Variants in DOCK8 observed in about 807,000 individuals in gnomAD.
The protein encoded by DOCK8 is dedicator of cytokinesis protein 8.
A neutral mutation model predicts 245.6 loss-of-function variants in DOCK8; 141 were observed. The observed-to-expected ratio is 0.57, with a 90% CI of 0.50 to 0.66. DOCK8 has a LOEUF of 0.66. Among genes scored for constraint, DOCK8 ranks in the 30% least tolerant of loss-of-function variants. The pLI, the probability that DOCK8 is intolerant of heterozygous loss-of-function variation, is 0.00. For missense variants in DOCK8, 2,965 were observed against 2,603.4 expected, an observed-to-expected ratio of 1.14 and a Z score of -3.02; for synonymous variants, 1,168 against 970.2, an observed-to-expected ratio of 1.20 and a Z score of -3.79.
rs760845840 is a variant in DOCK8 at position 452,123 on chromosome 9, A to C, written c.6068+6A>C. 48 of 1,588,326 alleles carry C rather than the reference A, an allele frequency of 3.0e-5. No individual in the cohort carries two copies. Among genetic ancestry groups the C allele is most frequent in the Middle Eastern group, 1.7e-4 (1 of 6,024 alleles). ...TTTAAGGAATTCATCATGAGGTAAG[A>C]AGGAAAATGGCTGGGAATTTCAGTA... On this transcript the variant is annotated splice_donor_region_variant and intron_variant, in intron 46 of 47. Coordinates refer to ENST00000432829, the MANE Select transcript of DOCK8 (RefSeq NM_203447.4).
chr9:352,762 T>C (rs376219121), intron 14 of DOCK8, among the ~76,000 whole-genome samples: 9 of 50,396 alleles, frequency 1.8e-4, no homozygotes, highest in African/African-American at 4.6e-4. Flanking sequence ...GCCGATACTT[T>C]ATATATCTTC....
At chr9:364,148 A>G (rs2052863843) in intron 14 of DOCK8, among the ~76,000 whole-genome samples, 1 of 152,196 alleles carries the variant, frequency 6.6e-6, no homozygotes, top group Admixed American at 6.5e-5. Context: ...TTCTAACTGA[A>G]ACAAGGAAAT....
chr9:432,146 T>C lies in DOCK8; in HGVS notation c.4627-20T>C. On this transcript the variant is annotated intron_variant, in intron 36 of 47. Transcript: ENST00000432829. The stretch of plus-strand genomic sequence containing the variant: ...TGTGTCTTATTTACTTCATCTTTTT[T>C]TTTTTTTTCACTGATGCAGAATTTT... 3 of 1,612,864 alleles carry C rather than the reference T, an allele frequency of 1.9e-6. No homozygotes were observed. The highest frequency in any genetic ancestry group is 1.7e-6 in the Non-Finnish European group (2 of 1,179,236).
chr9:214,236 G>C (rs2046679227), upstream of DOCK8: 4 of 446,736 alleles, frequency 9.0e-6, no homozygotes, highest in East Asian at 1.4e-4. Context: ...AAATAAACCT[G>C]GACGCAGCGT....
chr9:370,397 T>C, intron 16 of DOCK8, 97 bp downstream of exon 16: 1 of 1,077,416 alleles, frequency 9.3e-7, no homozygotes, highest in African/African-American at 1.6e-5. Context: ...ACTATTTTTA[T>C]AATTCAGGGA....
chr9:456,638 T>G (rs924618539), intron 46 of DOCK8: 1 of 152,190 alleles, frequency 6.6e-6, no homozygotes, highest in African/African-American at 2.4e-5. Context: ...CCAGTACTCA[T>G]CCAGCCAGTC....
chr9:400,169 C>CCACCATCACCACCTCCTT, intron 26 of DOCK8, among the ~76,000 whole-genome samples: 1 of 106,112 alleles, frequency 9.4e-6, no homozygotes, highest in East Asian at 3.0e-4. Context: ...ACCACCACCT[C>CCACCATCACCACCTCCTT]CACCATCACC....
At chr9:310,028 G>T (rs1319966667) in intron 5 of DOCK8, among the ~76,000 whole-genome samples, 3 of 152,188 alleles carry the variant, frequency 2.0e-5, no homozygotes, top group Non-Finnish European at 4.4e-5. Context: ...AGCACTTTGG[G>T]AGGCCAAGAC....
intron 18 of DOCK8, among the ~76,000 whole-genome samples, chr9:375,606 GA>G (rs1457358383): frequency 6.6e-6 from 1 of 152,170 alleles, no homozygotes; most frequent in African/African-American, 2.4e-5. Flanking sequence ...TGCTGGTTTG[GA>G]ACTTAGAGAC....
upstream of DOCK8, chr9:214,489 A>T (rs891564137): frequency 5.0e-6 from 8 of 1,607,306 alleles, no homozygotes; most frequent in African/African-American, 9.4e-5. Flanking sequence ...AATGGTGTCA[A>T]CCCTTAATAA....
At chr9:443,567 C>A in intron 43 of DOCK8, 51 bp downstream of exon 43, 1 of 1,432,432 alleles carries the variant, frequency 7.0e-7, no homozygotes, top group South Asian at 1.1e-5. Context: ...TCCCTTCGTT[C>A]TCTACCCAAG....
intron 2 of DOCK8, among the ~76,000 whole-genome samples, chr9:274,353 C>G (rs150634714): frequency 1.3e-5 from 2 of 152,100 alleles, no homozygotes; most frequent in African/African-American, 4.8e-5. Context: ...CCAGTTATTC[C>G]GCTTTACTTT....
intron 29 of DOCK8, among the ~76,000 whole-genome samples, chr9:417,817 A>G (rs185566629): frequency 1.1e-4 from 17 of 152,356 alleles, no homozygotes; most frequent in Admixed American, 7.2e-4. Context: ...ACAGGAAACA[A>G]TTATGGAAGG....
chr9:419,987 C>G (rs1473216002), intron 30 of DOCK8: 5 of 274,590 alleles, frequency 1.8e-5, no homozygotes, highest in Non-Finnish European at 3.6e-5. Flanking sequence ...TTCCTTCTCC[C>G]CTGTAAGTCT....
At chr9:237,214 G>GA (rs1368537734) in intron 1 of DOCK8, among the ~76,000 whole-genome samples, 1 of 152,368 alleles carries the variant, frequency 6.6e-6, no homozygotes, top group East Asian at 1.9e-4. Context: ...CAAGGATTTG[G>GA]ATGTGGGAGC....
At chr9:399,738 A>G (rs2054653522) in intron 26 of DOCK8, among the ~76,000 whole-genome samples, 1 of 152,058 alleles carries the variant, frequency 6.6e-6, no homozygotes, top group Non-Finnish European at 1.5e-5. Flanking sequence ...GCACATAGCA[A>G]ATATTTCATA....
intron 1 of DOCK8, among the ~76,000 whole-genome samples, chr9:263,973 G>A (rs994883142): frequency 5.9e-5 from 9 of 152,160 alleles, no homozygotes; most frequent in African/African-American, 9.7e-5. Context: ...TTATGAAGCT[G>A]CGTCTGGTAT....
intron 20 of DOCK8, among the ~76,000 whole-genome samples, chr9:379,462 C>A (rs866075708): frequency 6.6e-6 from 1 of 152,092 alleles, no homozygotes; most frequent in Non-Finnish European, 1.5e-5. Context: ...TGTCCGCAGC[C>A]CCCACTGAGT....
In DOCK8 at chr9:371,766, A is replaced by G. The variant is rs77987445; in HGVS notation, c.2007+200A>G. On this transcript the variant is annotated intron_variant, in intron 17 of 47. Coordinates refer to ENST00000432829, the MANE Select transcript of DOCK8 (RefSeq NM_203447.4). ...TTCAGGAATGGAAAGCTAGCGGGTG[A>G]TAGATGTTGGAAGAATACTCATCTG... Among the ~76,000 whole-genome samples, 4,574 of 152,354 alleles carry G rather than the reference A, an allele frequency of 0.03. 205 individuals carry two copies. Among genetic ancestry groups the G allele is most frequent in the African/African-American group, 0.1 (4,258 of 41,568 alleles).
Sources: allele counts gnomAD v4.1 joint callset (sites outside exome capture counted in the v4.1 genomes callset), GRCh38; gene constraint gnomAD v4.1.1; transcripts MANE v1.5; gene names NCBI Gene and HGNC (gene_info 2026-07-23, HGNC 2026-07-21).